PRPF6: variants seen among roughly 807,000 people sequenced by gnomAD.
PRPF6 encodes the protein pre-mRNA-processing factor 6.
In PRPF6, 42 loss-of-function variants were observed where a neutral mutation model predicts 118.3. The observed-to-expected ratio is 0.35, with a 90% CI of 0.28 to 0.46. The LOEUF (loss-of-function observed/expected upper bound fraction) is 0.46. Ranked by LOEUF, PRPF6 falls within the 20% of genes least tolerant of loss-of-function variation. The probability of loss-of-function intolerance (pLI) is 1.00; values close to 1 mark genes in which losing one functional copy is unlikely to be tolerated. For missense variants in PRPF6, 662 were observed against 1,255.7 expected (o/e 0.53, Z 7.15); for synonymous variants, 481 against 485.1 (o/e 0.99, Z 0.11).
At chr20:63,981,519 T>G (rs1246140868) in intron 1 of PRPF6, among the ~76,000 whole-genome samples, 1 of 152,182 alleles carries the variant, frequency 6.6e-6, no homozygotes, top group African/African-American at 2.4e-5. Flanking sequence ...TGTGACACAT[T>G]GACTCTCAGC....
intron 6 of PRPF6, 143 bp from the exon 7 acceptor site, chr20:63,998,902 G>T: frequency 1.5e-6 from 1 of 660,612 alleles, no homozygotes; most frequent in South Asian, 1.6e-5. Flanking sequence ...ATCACAAGGT[G>T]TTGTCTGAGT....
chr20:64,007,606 A>G (rs900285269), intron 9 of PRPF6, among the ~76,000 whole-genome samples: 3 of 150,984 alleles, frequency 2.0e-5, no homozygotes. Context: ...AGCTGGAACC[A>G]CAAGTACATG....
intron 3 of PRPF6, among the ~76,000 whole-genome samples, chr20:63,990,446 A>C (rs1206317181): frequency 1.3e-5 from 2 of 151,692 alleles, no homozygotes. Context: ...ACCTATAGTA[A>C]TTAAACGTGA....
intron 1 of PRPF6, among the ~76,000 whole-genome samples, chr20:63,982,780 A>C (rs2059077162): frequency 6.6e-6 from 1 of 152,068 alleles, no homozygotes; most frequent in Non-Finnish European, 1.5e-5. Context: ...AGTTGGGTTT[A>C]AGGGCCTGGT....
Position 64,028,962 on chromosome 20 carries a change from G to C in PRPF6, c.2431+393G>C, listed in dbSNP as rs1006673408. Among the ~76,000 whole-genome samples the C allele has an allele frequency of 1.3e-5, 2 of 152,132 alleles. No homozygotes were observed. Among genetic ancestry groups the C allele is most frequent in the Non-Finnish European group, 2.9e-5 (2 of 68,014 alleles). On this transcript the variant is annotated intron_variant, in intron 18 of 20. Coordinates refer to ENST00000266079, the MANE Select transcript of PRPF6 (RefSeq NM_012469.4). The surrounding 1 kb of genome is among the most constrained non-coding windows in gnomAD (Gnocchi z 6.5). Reference sequence around the variant, plus strand: ...GATTGCTTGAGTCCAGGAGTCCATTGCTTGAGACCAGCCTGGCCAACATGG... The same window carrying C: ...GATTGCTTGAGTCCAGGAGTCCATTCCTTGAGACCAGCCTGGCCAACATGG...
intron 6 of PRPF6, 79 bp from the exon 7 acceptor site, chr20:63,998,966 G>A: frequency 1.1e-6 from 1 of 947,112 alleles, no homozygotes; most frequent in Non-Finnish European, 1.7e-6. Context: ...GGTTGTGGGA[G>A]GGGCACCAGG....
chr20:64,020,045 T>TG (rs1395487170), intron 12 of PRPF6, among the ~76,000 whole-genome samples: 3 of 152,186 alleles, frequency 2.0e-5, no homozygotes, highest in Admixed American at 6.5e-5. Flanking sequence ...TGTTCATAGT[T>TG]GCAAAACTTT....
At chr20:64,024,829 T>C (rs2059281108) in intron 14 of PRPF6, 136 bp downstream of exon 14, 1 of 1,338,896 alleles carries the variant, frequency 7.5e-7, no homozygotes. Flanking sequence ...CAGGGGCTGC[T>C]CCACAGGAGC....
rs560955151 is a variant in PRPF6 at position 63,995,270 on chromosome 20, T to C, written c.616-57T>C. ...GGAAGTATTTCAGAGAGTAAATTTCTTGGGCATGCAGTGCAAACCGTTGTT... is the reference window on the plus strand; with the variant it reads ...GGAAGTATTTCAGAGAGTAAATTTCCTGGGCATGCAGTGCAAACCGTTGTT... On this transcript the variant is annotated intron_variant, in intron 5 of 20. Transcript: ENST00000266079. 2.2e-5 allele frequency: 35 copies of C among 1,578,174 alleles called. No individual in the cohort carries two copies. In the South Asian group the frequency reaches 3.3e-4, roughly 15 times the overall value.
intron 13 of PRPF6, 29 bp from the exon 14 acceptor site, chr20:64,024,526 T>G: frequency 1.2e-6 from 2 of 1,613,080 alleles, no homozygotes; most frequent in Non-Finnish European, 1.7e-6. Flanking sequence ...TGGCCCTGCC[T>G]CTGGTGACCG....
chr20:64,031,729 G>A (rs2059315437), intron 19 of PRPF6, among the ~76,000 whole-genome samples, 189 bp from the exon 20 acceptor site: 1 of 152,046 alleles, frequency 6.6e-6, no homozygotes, highest in Non-Finnish European at 1.5e-5. Flanking sequence ...CCCGTGAAGG[G>A]CAGCTTCAAG....
intron 20 of PRPF6, 100 bp from the exon 21 acceptor site, chr20:64,032,741 G>C: frequency 6.8e-7 from 1 of 1,472,846 alleles, no homozygotes; most frequent in Non-Finnish European, 9.2e-7. Context: ...TGGGGTTGGT[G>C]CTGCCAGGGC....
intron 12 of PRPF6, among the ~76,000 whole-genome samples, chr20:64,020,263 G>A (rs1286000422): frequency 6.6e-6 from 1 of 152,036 alleles, no homozygotes; most frequent in African/African-American, 2.4e-5. Context: ...TAAAAATACA[G>A]AAATTAGCTG....
chr20:63,983,652 C>CTTT (rs746804694), intron 2 of PRPF6, among the ~76,000 whole-genome samples: 39 of 111,112 alleles, frequency 3.5e-4, no homozygotes, highest in Non-Finnish European at 6.4e-4. Flanking sequence ...ATTGGCCAGT[C>CTTT]TTTTTTTTTT....
chr20:63,994,934 A>G lies in PRPF6; in HGVS notation c.457A>G (p.Thr153Ala). The change falls in exon 5 of 21, where the codon ACA becomes GCA. Residue 153 changes from threonine (T) to alanine (A), a missense_variant. Coordinates refer to ENST00000266079, the MANE Select transcript of PRPF6 (RefSeq NM_012469.4). ...SDLKRKLAEV[T>A]EEEWLSIPEV... ...TTTCCAGAGGAAGTTGGCAGAAGTC[A>G]CAGAAGAAGAGTGGCTGAGCATCCC... The G allele has an allele frequency of 6.2e-7, 1 of 1,614,188 alleles. No individual in the cohort carries two copies. The highest frequency in any genetic ancestry group is 1.1e-5 in the South Asian group (1 of 91,086).
At position 64,029,231 on chromosome 20, in the gene PRPF6, G is replaced by A. The variant is rs925741212; in HGVS notation, c.2432-146G>A. ...TGGGCCAGAGTGCTCATCCTTTGTG[G>A]TTCTCCTTGCACAAGTTCTGCGAGC... On this transcript the variant is annotated intron_variant, in intron 18 of 20. Coordinates refer to ENST00000266079, the MANE Select transcript of PRPF6 (RefSeq NM_012469.4). The surrounding 1 kb of genome is among the most constrained non-coding windows in gnomAD (Gnocchi z 4.8). The A allele has an allele frequency of 9.5e-6, 7 of 740,098 alleles. No individual in the cohort carries two copies. Among genetic ancestry groups the A allele is most frequent in the Admixed American group, 2.0e-5 (1 of 50,484 alleles). The allele number at this position is 740,098 out of a possible 1,614,324, so 45.8% of individuals were successfully genotyped here.
At chr20:63,995,179 T>G in intron 5 of PRPF6, 87 bp downstream of exon 5, 1 of 1,598,340 alleles carries the variant, frequency 6.3e-7, no homozygotes, top group Non-Finnish European at 8.6e-7. Flanking sequence ...ATTCAATGCT[T>G]CTGCAGGTCA....
At chr20:63,996,445 G>A (rs117846084) in intron 6 of PRPF6, among the ~76,000 whole-genome samples, 3,447 of 152,306 alleles carry the variant, frequency 0.023, 64 homozygotes, top group Non-Finnish European at 0.037. Flanking sequence ...CTGCCAAGTA[G>A]CTGAGATTAC....
chr20:63,988,263 T>G (rs1352751510), intron 3 of PRPF6, among the ~76,000 whole-genome samples: 2 of 151,024 alleles, frequency 1.3e-5, no homozygotes, highest in Admixed American at 1.3e-4. Flanking sequence ...AATGTTGTAG[T>G]GAGCTGAGAT....
Sources: gnomAD v4.1 joint callset for allele counts (sites outside exome capture counted in the v4.1 genomes callset) on GRCh38, gnomAD v4.1.1 for gene constraint, Gnocchi (gnomAD v3.1) non-coding constraint, MANE v1.5 for transcripts, NCBI Gene and HGNC (gene_info 2026-07-23, HGNC 2026-07-21) for gene names.